CSMD3: variants seen among roughly 807,000 people sequenced by gnomAD.
CSMD3 encodes CUB and sushi domain-containing protein 3.
A neutral mutation model predicts 435.2 loss-of-function variants in CSMD3; 177 were observed. The ratio of observed to expected loss-of-function variants is 0.41; its 90% confidence interval spans 0.36 to 0.46. CSMD3 has a LOEUF of 0.46. Among genes scored for constraint, CSMD3 ranks in the 20% least tolerant of loss-of-function variants. The pLI is 0.34. For synonymous variants in CSMD3, 1,656 were observed against 1,520.5 expected (o/e 1.09, Z -2.07); for missense variants, 4,265 against 4,504.6 (o/e 0.95, Z 1.52).
At chr8:112,276,141 C>G (rs983108462) in intron 59 of CSMD3, among the ~76,000 whole-genome samples, 5 of 152,174 alleles carry the variant, frequency 3.3e-5, no homozygotes, top group South Asian at 2.1e-4. Flanking sequence ...AGGCCCCACA[C>G]AAGTCCAAAA....
At chr8:112,878,660 C>A (rs987598839) in intron 10 of CSMD3, among the ~76,000 whole-genome samples, 2 of 152,038 alleles carry the variant, frequency 1.3e-5, no homozygotes, top group Admixed American at 6.6e-5. Context: ...AGACTTGGAA[C>A]CAATCCAAAT....
At chr8:113,329,821 T>G (rs2094013553) in intron 1 of CSMD3, among the ~76,000 whole-genome samples, 1 of 151,944 alleles carries the variant, frequency 6.6e-6, no homozygotes, top group African/African-American at 2.4e-5. Flanking sequence ...CAAGAGAACG[T>G]TAACAAGAAA....
chr8:112,535,854 C>T (rs1205421795), intron 27 of CSMD3, among the ~76,000 whole-genome samples: 3 of 152,064 alleles, frequency 2.0e-5, no homozygotes, highest in Non-Finnish European at 4.4e-5. Flanking sequence ...ACAGAGCCCT[C>T]AGAAATAATG....
chr8:113,255,416 A>G (rs1033176636), intron 3 of CSMD3, among the ~76,000 whole-genome samples: 1 of 152,116 alleles, frequency 6.6e-6, no homozygotes, highest in African/African-American at 2.4e-5. Flanking sequence ...TGATATTTCT[A>G]TAAGCACATC....
chr8:112,783,476 A>G (rs1323053586), intron 13 of CSMD3, among the ~76,000 whole-genome samples: 17 of 95,998 alleles, frequency 1.8e-4, no homozygotes, highest in Non-Finnish European at 2.9e-4. Flanking sequence ...GAAGGAAGGA[A>G]GGAAGGGAGA....
At chr8:113,307,823 A>C (rs1299119439) in intron 2 of CSMD3, among the ~76,000 whole-genome samples, 2 of 152,204 alleles carry the variant, frequency 1.3e-5, no homozygotes, top group Non-Finnish European at 2.9e-5. Context: ...TGACAACCTC[A>C]AATGTCAACA....
chr8:113,389,103 C>T (rs530553309), intron 1 of CSMD3, among the ~76,000 whole-genome samples: 2 of 151,572 alleles, frequency 1.3e-5, no homozygotes, highest in Non-Finnish European at 3.0e-5. Context: ...GATTCATAGT[C>T]AGTTTGTGTG....
intron 1 of CSMD3, among the ~76,000 whole-genome samples, chr8:113,395,443 C>T (rs1393969046): frequency 1.3e-5 from 2 of 151,832 alleles, no homozygotes; most frequent in East Asian, 3.9e-4. Context: ...CCCGTCTCTA[C>T]TAAAAAATGC....
intron 13 of CSMD3, among the ~76,000 whole-genome samples, chr8:112,783,248 A>C (rs1259768403): frequency 6.6e-6 from 1 of 151,850 alleles, no homozygotes; most frequent in Non-Finnish European, 1.5e-5. Flanking sequence ...GTTTTGCAAT[A>C]AGTGCTGTTA....
At chr8:112,266,616 A>C (rs920536124) in intron 59 of CSMD3, among the ~76,000 whole-genome samples, 1 of 152,230 alleles carries the variant, frequency 6.6e-6, no homozygotes, top group African/African-American at 2.4e-5. Flanking sequence ...CACTGATCTC[A>C]TGCCCATGAG....
At chr8:113,364,244 A>AT (rs74614093) in intron 1 of CSMD3, among the ~76,000 whole-genome samples, 43 of 145,492 alleles carry the variant, frequency 3.0e-4, no homozygotes, top group Middle Eastern at 3.4e-3. Context: ...ATTAGACTAA[A>AT]TTTTTTTTTT....
chr8:112,477,655 C>T (rs971160613), intron 31 of CSMD3, among the ~76,000 whole-genome samples: 3 of 152,096 alleles, frequency 2.0e-5, no homozygotes, highest in Non-Finnish European at 2.9e-5. Flanking sequence ...ATACCTGCTC[C>T]CGCTTTGCCT....
intron 58 of CSMD3, among the ~76,000 whole-genome samples, chr8:112,282,101 A>T (rs545548206): frequency 2.0e-5 from 3 of 152,108 alleles, no homozygotes; most frequent in Non-Finnish European, 4.4e-5. Context: ...TAATATCAGA[A>T]GGCATTTTAG....
At chr8:113,029,645 T>A (rs925895747) in intron 5 of CSMD3, among the ~76,000 whole-genome samples, 3 of 151,632 alleles carry the variant, frequency 2.0e-5, no homozygotes, top group African/African-American at 7.2e-5. Flanking sequence ...AAAAGCCATC[T>A]ATGAAACACC....
chr8:112,337,270 C>A (rs931430900), intron 43 of CSMD3, among the ~76,000 whole-genome samples: 1 of 152,102 alleles, frequency 6.6e-6, no homozygotes, highest in Non-Finnish European at 1.5e-5. Context: ...GCATACAAAC[C>A]CACATGCACC....
chr8:113,346,234 A>G (rs2094150375), intron 1 of CSMD3, among the ~76,000 whole-genome samples: 1 of 151,914 alleles, frequency 6.6e-6, no homozygotes, highest in South Asian at 2.1e-4. Flanking sequence ...CTTTTAGAAT[A>G]TCCTCAATTT....
intron 3 of CSMD3, among the ~76,000 whole-genome samples, chr8:113,196,328 G>A (rs1053092427): frequency 4.6e-5 from 7 of 151,244 alleles, no homozygotes; most frequent in African/African-American, 1.7e-4. Context: ...AGACTATTCA[G>A]AAGAAGGGAC....
chr8:112,752,900 CGTGTGTGTGTGT>C (rs10617885), intron 13 of CSMD3, among the ~76,000 whole-genome samples: 47,186 of 146,494 alleles, frequency 0.32, 8,162 homozygotes, highest in African/African-American at 0.48. Flanking sequence ...TTTGTTACCG[CGTGTGTGTGTGT>C]GTGTGTGTGT....
intron 4 of CSMD3, among the ~76,000 whole-genome samples, chr8:113,111,972 C>A (rs1168784215): frequency 6.6e-6 from 1 of 152,076 alleles, no homozygotes; most frequent in Non-Finnish European, 1.5e-5. Flanking sequence ...GGAGCCACTG[C>A]GCCTGGCTGT....
Sources: gnomAD v4.1 joint callset for allele counts (sites outside exome capture counted in the v4.1 genomes callset) on GRCh38, gnomAD v4.1.1 for gene constraint, MANE v1.5 for transcripts, NCBI Gene and HGNC (gene_info 2026-07-23, HGNC 2026-07-21) for gene names.